Variants in LRCH1 observed in about 807,000 individuals in gnomAD.
LRCH1 encodes the protein leucine rich repeats and calponin homology domain containing 1.
Under a neutral mutation model 94.9 loss-of-function variants are expected in LRCH1, and 23 were observed. The observed-to-expected ratio is 0.24, with a 90% CI of 0.17 to 0.34. LRCH1 has a LOEUF of 0.34. Ranked by LOEUF, LRCH1 falls within the 10% of genes least tolerant of loss-of-function variation. The pLI is 1.00. For missense variants in LRCH1, 790 were observed against 945.9 expected, an observed-to-expected ratio of 0.84 and a Z score of 2.16; for synonymous variants, 364 against 354.9, an observed-to-expected ratio of 1.03 and a Z score of -0.29.
In LRCH1 at chr13:46,743,379, T is replaced by G. The variant is rs767060623; in HGVS notation, c.*1531T>G. On this transcript the variant is annotated 3_prime_UTR_variant, in exon 20 of 20. Transcript: ENST00000389797. ...ATGACAGTATCTTGAGTTATGTGAG[T>G]TTTTTTTCCTCCTGACTTTGTGTTG... 9.9e-5 allele frequency: 97 copies of G among 982,388 alleles called. No homozygotes were observed. The African/African-American group carries it at 1.3e-3, about 13-fold the overall frequency. 60.9% of individuals were successfully genotyped at this position (982,388 alleles called of 1,614,324 possible).
intron 17 of LRCH1, among the ~76,000 whole-genome samples, chr13:46,723,752 A>T (rs1003900722): frequency 6.6e-6 from 1 of 151,796 alleles, no homozygotes; most frequent in East Asian, 1.9e-4. Context: ...GTGATTTATG[A>T]TTGTACCACT....
chr13:46,729,776 T>G (rs1873010896), intron 18 of LRCH1, among the ~76,000 whole-genome samples: 1 of 152,186 alleles, frequency 6.6e-6, no homozygotes, highest in Admixed American at 6.5e-5. Context: ...TGAAAAGATG[T>G]GAGTTCTATG....
At chr13:46,642,640 A>G (rs967001770) in intron 1 of LRCH1, among the ~76,000 whole-genome samples, 7 of 152,198 alleles carry the variant, frequency 4.6e-5, no homozygotes, top group Admixed American at 3.3e-4. Flanking sequence ...AGCAATGCTT[A>G]ATTCTGGATT....
At chr13:46,567,847 C>T (rs1419066466) in intron 1 of LRCH1, among the ~76,000 whole-genome samples, 1 of 152,166 alleles carries the variant, frequency 6.6e-6, no homozygotes, top group Admixed American at 6.5e-5. Context: ...ATGAAATTTG[C>T]ACCATGGGAG....
chr13:46,566,093 C>A (rs2050180918), intron 1 of LRCH1, among the ~76,000 whole-genome samples: 1 of 151,970 alleles, frequency 6.6e-6, no homozygotes, highest in Non-Finnish European at 1.5e-5. Flanking sequence ...CTACGGAAGT[C>A]TTGTCATTGA....
chr13:46,726,887 G>GAAAAC (rs1566252170), intron 17 of LRCH1, among the ~76,000 whole-genome samples: 15 of 135,232 alleles, frequency 1.1e-4, no homozygotes, highest in Admixed American at 4.0e-4. Flanking sequence ...AAAAAAAAAG[G>GAAAAC]CAACTAAAAC....
At chr13:46,607,962 G>C (rs1594281939) in intron 1 of LRCH1, among the ~76,000 whole-genome samples, 1 of 152,130 alleles carries the variant, frequency 6.6e-6, no homozygotes, top group Admixed American at 6.5e-5. Context: ...AGGGCAGGGA[G>C]GGATGTGGGA....
chr13:46,671,194 T>G (rs2051596973), intron 3 of LRCH1, among the ~76,000 whole-genome samples: 1 of 152,234 alleles, frequency 6.6e-6, no homozygotes, highest in South Asian at 2.1e-4. Context: ...GCTCCTTTCT[T>G]GGTTAGTTCT....
intron 1 of LRCH1, among the ~76,000 whole-genome samples, 182 bp downstream of exon 1, chr13:46,553,885 C>CG (rs2050032182): frequency 6.6e-6 from 1 of 152,166 alleles, no homozygotes; most frequent in Admixed American, 6.5e-5. Context: ...GGAGAGGGCA[C>CG]GGGGGCCCTG....
At chr13:46,647,439 A>C (rs2051236699) in intron 1 of LRCH1, among the ~76,000 whole-genome samples, 1 of 152,004 alleles carries the variant, frequency 6.6e-6, no homozygotes. Flanking sequence ...CCATCTGTTC[A>C]TATCTATTTT....
At chr13:46,710,326 G>C (rs185164047) in intron 13 of LRCH1, among the ~76,000 whole-genome samples, 1 of 152,322 alleles carries the variant, frequency 6.6e-6, no homozygotes, top group African/African-American at 2.4e-5. Context: ...TGTTGAGCAA[G>C]ACACCGTGGC....
At chr13:46,715,850 A>T (rs1408307529) in intron 16 of LRCH1, among the ~76,000 whole-genome samples, 186 bp downstream of exon 16, 1 of 152,146 alleles carries the variant, frequency 6.6e-6, no homozygotes, top group African/African-American at 2.4e-5. Flanking sequence ...CAGTTTGTCA[A>T]ACTCCAGTTT....
chr13:46,598,558 T>C (rs538234717), intron 1 of LRCH1, among the ~76,000 whole-genome samples: 15 of 149,660 alleles, frequency 1.0e-4, no homozygotes, highest in Admixed American at 4.0e-4. Context: ...CTTTCTATAC[T>C]TTCTGTAACT....
intron 3 of LRCH1, among the ~76,000 whole-genome samples, chr13:46,675,956 A>G (rs1320695494): frequency 1.3e-5 from 2 of 152,218 alleles, no homozygotes; most frequent in African/African-American, 2.4e-5. Flanking sequence ...GAAAGTTTCA[A>G]GTTTAAATGA....
chr13:46,609,188 G>A (rs539434042), intron 1 of LRCH1, among the ~76,000 whole-genome samples: 1 of 152,158 alleles, frequency 6.6e-6, no homozygotes, highest in Non-Finnish European at 1.5e-5. Flanking sequence ...TGCTGTGCTC[G>A]GCCTCTTTGT....
At chr13:46,678,628 GA>G (rs1200177243) in intron 3 of LRCH1, among the ~76,000 whole-genome samples, 1 of 151,964 alleles carries the variant, frequency 6.6e-6, no homozygotes, top group East Asian at 1.9e-4. Context: ...AAATCAGAAG[GA>G]AAAAAACTTG....
rs1000949551 is a variant in LRCH1, at chr13:46,743,932, G to A, written c.*2084G>A. On this transcript the variant is annotated 3_prime_UTR_variant, in exon 20 of 20. Transcript: ENST00000389797. The stretch of plus-strand genomic sequence containing the variant: ...CTTTGGACGCACTTTGATTTTTTTT[G>A]TGTCATTAATTTGTCTGTACTCTGC... 1 of 985,006 alleles carries A rather than the reference G, an allele frequency of 1.0e-6. No homozygotes were observed. Among genetic ancestry groups the A allele is most frequent in the African/African-American group, 1.8e-5 (1 of 57,142 alleles). 61.0% of individuals were successfully genotyped at this position (985,006 alleles called of 1,614,324 possible). A position where few individuals can be genotyped will look rare whatever the true frequency, so the allele number is the denominator to read the frequency against.
chr13:46,700,286 T>C lies in LRCH1; in HGVS notation c.1314-835T>C, dbSNP rs1056919602. The stretch of plus-strand genomic sequence containing the variant: ...ATTTATCCCATTGTTAAAACTTTTC[T>C]CCTTACAGAAAGTCATTGGCTTACA... On this transcript the variant is annotated intron_variant, in intron 10 of 19. Transcript: ENST00000389797. 4.6e-5 allele frequency among the ~76,000 whole-genome samples: 7 copies of C among 152,302 alleles called. No homozygotes were observed. The South Asian group carries it at 6.2e-4, about 14-fold the overall frequency.
chr13:46,742,674 A>G lies in LRCH1; in HGVS notation c.*826A>G, dbSNP rs1566262774. ...TCCAGAGAGATTTCTATTTTTGAAC[A>G]ATGGAACGGATCACTGCTTTTTTGC... On this transcript the variant is annotated 3_prime_UTR_variant, in exon 20 of 20. Transcript: ENST00000389797. The G allele has an allele frequency of 2.0e-6, 2 of 985,330 alleles. No individual in the cohort carries two copies. Among genetic ancestry groups the G allele is most frequent in the African/African-American group, 3.5e-5 (2 of 57,230 alleles). 61.0% of individuals were successfully genotyped at this position (985,330 alleles called of 1,614,324 possible). A position where few individuals can be genotyped will look rare whatever the true frequency, so the allele number is the denominator to read the frequency against.
Sources: gnomAD v4.1 joint callset for allele counts (sites outside exome capture counted in the v4.1 genomes callset) on GRCh38, gnomAD v4.1.1 for gene constraint, MANE v1.5 for transcripts, NCBI Gene and HGNC (gene_info 2026-07-23, HGNC 2026-07-21) for gene names.